The following GPR39 variants were observed in gnomAD, a reference collection of about 807,000 sequenced individuals.
GPR39 encodes zinc sensing receptor.
Under a neutral mutation model 18.4 loss-of-function variants are expected in GPR39, and 23 were observed. That is an observed-to-expected ratio of 1.25 (90% confidence interval 0.90 to 1.77). The LOEUF (loss-of-function observed/expected upper bound fraction) is 1.77, where lower values mean the gene tolerates loss of function less well. Ranked by LOEUF, GPR39 falls within the 40% of genes most tolerant of loss-of-function variation. The pLI is 0.00. For missense variants in GPR39, 647 were observed against 602.4 expected (o/e 1.07, Z -0.78); for synonymous variants, 280 against 257.9 (o/e 1.09, Z -0.82).
intron 1 of GPR39, among the ~76,000 whole-genome samples, chr2:132,423,650 T>G (rs945535990): frequency 1.9e-4 from 29 of 152,140 alleles, no homozygotes; most frequent in Non-Finnish European, 3.8e-4. Context: ...CAGGTTAATA[T>G]CTTTCTCCTC....
intron 1 of GPR39, among the ~76,000 whole-genome samples, chr2:132,639,969 A>C (rs200539072): frequency 6.6e-5 from 3 of 45,144 alleles, no homozygotes; most frequent in South Asian, 6.1e-4. Context: ...GGGTAGAATC[A>C]ATCCAGTGTT....
At chr2:132,619,351 A>T (rs1251651293) in intron 1 of GPR39, among the ~76,000 whole-genome samples, 1 of 152,030 alleles carries the variant, frequency 6.6e-6, no homozygotes, top group African/African-American at 2.4e-5. Context: ...CAGGCTCCAT[A>T]TGTCCTGGCT....
chr2:132,545,655 C>CGTGTGTGTGTGTGTGTGT (rs35108024), intron 1 of GPR39, among the ~76,000 whole-genome samples: 8 of 149,848 alleles, frequency 5.3e-5, no homozygotes, highest in African/African-American at 2.0e-4. Flanking sequence ...GTGTGATGGG[C>CGTGTGTGTGTGTGTGTGT]GTGTGTGTGT....
intron 1 of GPR39, among the ~76,000 whole-genome samples, chr2:132,498,985 T>A (rs181604487): frequency 4.6e-5 from 7 of 152,246 alleles, no homozygotes; most frequent in Middle Eastern, 3.4e-3. Context: ...GTATGGATTG[T>A]GAAGATTTCC....
intron 1 of GPR39, among the ~76,000 whole-genome samples, chr2:132,515,605 ATCT>A (rs1558823077): frequency 6.6e-6 from 1 of 152,140 alleles, no homozygotes. Flanking sequence ...GGTCACTCTG[ATCT>A]TCTTCCTGCT....
chr2:132,419,373 T>G (rs1679966907), intron 1 of GPR39, among the ~76,000 whole-genome samples: 1 of 152,220 alleles, frequency 6.6e-6, no homozygotes, highest in African/African-American at 2.4e-5. Context: ...AGTCCCACTG[T>G]GCTTTTCAGG....
chr2:132,624,547 T>A (rs945401386), intron 1 of GPR39, among the ~76,000 whole-genome samples: 5 of 152,250 alleles, frequency 3.3e-5, no homozygotes, highest in African/African-American at 1.2e-4. Context: ...CATAACCAGA[T>A]GACTAGTACT....
chr2:132,541,998 C>T (rs1044749611), intron 1 of GPR39, among the ~76,000 whole-genome samples: 7 of 152,230 alleles, frequency 4.6e-5, no homozygotes, highest in Admixed American at 3.3e-4. Flanking sequence ...GTGGAGGGGG[C>T]AAGGTAGCTC....
chr2:132,459,064 A>T (rs964847852), intron 1 of GPR39, among the ~76,000 whole-genome samples: 3 of 152,156 alleles, frequency 2.0e-5, no homozygotes, highest in African/African-American at 7.2e-5. Flanking sequence ...GTTGCTCCTC[A>T]CTTTACAGTG....
chr2:132,459,938 T>G (rs1283070209), intron 1 of GPR39, among the ~76,000 whole-genome samples: 3 of 152,192 alleles, frequency 2.0e-5, no homozygotes, highest in Non-Finnish European at 4.4e-5. Flanking sequence ...ACAATGTTCC[T>G]GGTAGCCTGC....
chr2:132,627,012 G>A (rs1681556066), intron 1 of GPR39, among the ~76,000 whole-genome samples: 1 of 152,184 alleles, frequency 6.6e-6, no homozygotes. Context: ...TTTCAGGGAA[G>A]CCGCCCCAGT....
intron 1 of GPR39, chr2:132,488,984 C>T (rs1681402631): frequency 6.4e-6 from 1 of 155,540 alleles, no homozygotes. Context: ...ATTGAGGACC[C>T]CTATGACGCG....
intron 1 of GPR39, among the ~76,000 whole-genome samples, chr2:132,456,388 G>T (rs1448166483): frequency 2.6e-5 from 4 of 151,614 alleles, no homozygotes; most frequent in African/African-American, 9.7e-5. Context: ...ACATGAGATG[G>T]GTCTCCTGAA....
At position 132,617,759 on chromosome 2, in the gene GPR39, G is replaced by A. The variant is rs921897992; in HGVS notation, c.857-27342G>A. Among the ~76,000 whole-genome samples the A allele has an allele frequency of 9.2e-5, 14 of 152,298 alleles. 1 individual carries two copies. Among genetic ancestry groups the A allele is most frequent in the Admixed American group, 9.2e-4 (14 of 15,296 alleles). ...ATACTTGTGAAAATTCAGATTAAGG[G>A]CATAAGTTTTGAATGCAGACAGATC... On this transcript the variant is annotated intron_variant, in intron 1 of 1. Transcript: ENST00000329321.
Position 132,459,916 on chromosome 2 carries a change from T to C in GPR39, c.856+42018T>C, listed in dbSNP as rs150477171. On this transcript the variant is annotated intron_variant, in intron 1 of 1. Coordinates refer to ENST00000329321, the MANE Select transcript of GPR39 (RefSeq NM_001508.3). ...AACGATACCTGCTAGTTACAGCCTT[T>C]GGGATCAAATCACAATGTTCCTGGT... 8.9e-4 allele frequency among the ~76,000 whole-genome samples: 135 copies of C among 152,294 alleles called. 2 individuals carry two copies. The East Asian group carries it at 0.025, about 28-fold the overall frequency.
In GPR39 at chr2:132,417,056, G is replaced by A; in HGVS notation, c.14G>A (p.Ser5Asn). The A allele has an allele frequency of 6.2e-7, 1 of 1,613,492 alleles. No individual in the cohort carries two copies. Among genetic ancestry groups the A allele is most frequent in the Non-Finnish European group, 8.5e-7 (1 of 1,179,490 alleles). Residue 5 changes from serine (S) to asparagine (N), a missense_variant, in exon 1 of 2, where the codon AGC (serine) becomes AAC (asparagine). Physicochemically the swap from Ser to Asn is conservative, Grantham distance 46. Transcript: ENST00000329321. MASP[S>N]LPGSDCSQII... Reference sequence around the variant, plus strand: ...GTGCTCTTTCTCATGGCTTCACCCAGCCTCCCGGGCAGTGACTGCTCCCAA... The same window carrying A: ...GTGCTCTTTCTCATGGCTTCACCCAACCTCCCGGGCAGTGACTGCTCCCAA...
chr2:132,416,874 T>C lies in GPR39; in HGVS notation c.-169T>C. 3.3e-6 allele frequency: 3 copies of C among 910,132 alleles called. No homozygotes were observed. Among genetic ancestry groups the C allele is most frequent in the Non-Finnish European group, 4.9e-6 (3 of 615,078 alleles). The allele number at this position is 910,132 out of a possible 1,614,324, so 56.4% of individuals were successfully genotyped here. On this transcript the variant is annotated 5_prime_UTR_variant, in exon 1 of 2. Transcript: ENST00000329321. ...TCCTAGGTTGGGCTGCTCCAGCAAGTTTCCATGAAAGCACCTGAAATACTA... is the reference window on the plus strand; with the variant it reads ...TCCTAGGTTGGGCTGCTCCAGCAAGCTTCCATGAAAGCACCTGAAATACTA...
intron 1 of GPR39, among the ~76,000 whole-genome samples, chr2:132,429,130 T>C (rs1045209056): frequency 1.3e-5 from 2 of 152,200 alleles, no homozygotes; most frequent in Admixed American, 1.3e-4. Context: ...TCAATCCTCA[T>C]AGTATCATTA....
intron 1 of GPR39, among the ~76,000 whole-genome samples, chr2:132,497,409 G>A (rs968550741): frequency 6.6e-5 from 10 of 152,080 alleles, no homozygotes; most frequent in African/African-American, 1.9e-4. Context: ...GGGAGAATCC[G>A]AAAGGAAAAG....
Sources: gnomAD v4.1 joint callset for allele counts (sites outside exome capture counted in the v4.1 genomes callset) on GRCh38, gnomAD v4.1.1 for gene constraint, MANE v1.5 for transcripts, NCBI Gene and HGNC (gene_info 2026-07-23, HGNC 2026-07-21) for gene names.